Variants in MAGEA6 observed in about 807,000 individuals in gnomAD.
MAGEA6 encodes the protein melanoma-associated antigen 6.
For missense variants in MAGEA6, 281 were observed against 231.4 expected, an observed-to-expected ratio of 1.21 and a Z score of -1.39; for synonymous variants, 100 against 98.8, an observed-to-expected ratio of 1.01 and a Z score of -0.07.
rs1224987898 is a variant in MAGEA6, at chrX:152,766,647, G to A, written c.*59C>T. On this transcript the variant is annotated 3_prime_UTR_variant, in exon 3 of 3. Transcript: ENST00000329342. ...AGTGGAAACTAAGGGATGGGGCCCC[G>A]GAAGGTGCACTGGCCCAAACCCCCT... The A allele has an allele frequency of 2.3e-5, 27 of 1,154,121 alleles. No homozygotes were observed. Among genetic ancestry groups the A allele is most frequent in the African/African-American group, 3.6e-5 (2 of 55,551 alleles).
rs1932742453 is a variant in MAGEA6 at position 152,766,960 on chromosome X, A to G, written c.691T>C (p.Phe231Leu). The stretch of plus-strand genomic sequence containing the variant: ...AAGATACTGTCTTCCCTCCCCTCAA[A>G]CACCTCTAACACACTCAGCTCCTCC... ...IWEELSVLEV[F>L]EGREDSIFGD... is the part of the protein sequence containing the mutation. The change falls in exon 3 of 3, where the codon TTT becomes CTT. Residue 231 changes from phenylalanine to leucine, a missense_variant. Physicochemically the swap from Phe to Leu is conservative, Grantham distance 22. Transcript: ENST00000329342. 1 of 1,208,245 alleles carries G rather than the reference A, an allele frequency of 8.3e-7. No homozygotes were observed. Among genetic ancestry groups the G allele is most frequent in the Non-Finnish European group, 1.1e-6 (1 of 894,227 alleles).
In MAGEA6 at chrX:152,766,640, G is replaced by C. The variant is rs1556827329; in HGVS notation, c.*66C>G. 1.2e-3 allele frequency: 1,308 copies of C among 1,133,960 alleles called. 10 individuals carry two copies. The East Asian group carries it at 0.018, about 16-fold the overall frequency. The allele number at this position is 1,133,960 out of a possible 1,213,427, so 93.5% of individuals were successfully genotyped here. A position where few individuals can be genotyped will look rare whatever the true frequency, so the allele number is the denominator to read the frequency against. ...AGGAGGCAGTGGAAACTAAGGGATG[G>C]GGCCCCGGAAGGTGCACTGGCCCAA... is the stretch of plus-strand genomic sequence containing the variant. On this transcript the variant is annotated 3_prime_UTR_variant, in exon 3 of 3. Transcript: ENST00000329342.
chrX:152,767,186 G>C lies in MAGEA6; in HGVS notation c.465C>G (p.Ser155=). The change falls in exon 3 of 3, where the codon TCC becomes TCG. Residue 155 remains serine, a synonymous_variant. Transcript: ENST00000329342. The part of the protein sequence containing the change: ...YFFPVIFSKA[S]DSLQLVFGIE... Reference sequence around the variant, plus strand: ...TGCCAAAGACCAGCTGCAAGGAATCGGAAGCTTTGCTGAAGATCACAGGAA... The same window carrying C: ...TGCCAAAGACCAGCTGCAAGGAATCCGAAGCTTTGCTGAAGATCACAGGAA... 1 of 1,210,723 alleles carries C rather than the reference G, an allele frequency of 8.3e-7. No individual in the cohort carries two copies. The highest frequency in any genetic ancestry group is 1.1e-6 in the Non-Finnish European group (1 of 894,693).
At position 152,767,158 on chromosome X, in the gene MAGEA6, C is replaced by G. The variant is rs781889039; in HGVS notation, c.493G>C (p.Glu165Gln). ...SDSLQLVFGI[E>Q]LMEVDPIGHV... Reference sequence around the variant, plus strand: ...CCGATGGGGTCCACTTCCATCAGCTCGATGCCAAAGACCAGCTGCAAGGAA... The same window carrying G: ...CCGATGGGGTCCACTTCCATCAGCTGGATGCCAAAGACCAGCTGCAAGGAA... Residue 165 changes from glutamate (E) to glutamine (Q), a missense_variant, in exon 3 of 3, where the codon GAG becomes CAG. Glu to Gln is a conservative substitution (Grantham distance 29, BLOSUM62 2). Coordinates refer to ENST00000329342, the MANE Select transcript of MAGEA6 (RefSeq NM_005363.5). 8.3e-7 allele frequency: 1 copy of G among 1,209,010 alleles called. No homozygotes were observed.
Position 152,766,756 on chromosome X carries a change from T to G in MAGEA6, c.895A>C (p.Ile299Leu). The stretch of plus-strand genomic sequence containing the variant: ...CACTCATGCAGGAGTGGGTAGGAAA[T>G]GCGAGGTCCTCCACTGATCTTTACC... ...HMVKISGGPR[I>L]SYPLLHEWAL... Residue 299 changes from isoleucine (I) to leucine (L), a missense_variant, in exon 3 of 3, where the codon ATT (isoleucine) becomes CTT (leucine). Transcript: ENST00000329342. 8.3e-7 allele frequency: 1 copy of G among 1,210,498 alleles called. No homozygotes were observed. The highest frequency in any genetic ancestry group is 1.1e-6 in the Non-Finnish European group (1 of 894,661).
chrX:152,767,058 T>G lies in MAGEA6; in HGVS notation c.593A>C (p.Lys198Thr), dbSNP rs1556826624. Reference sequence around the variant, plus strand: ...CAGGATGATTATCAGGAAGCCTGTCTTGGGCATGATCTGATTGTCACCCAG... The same window carrying G: ...CAGGATGATTATCAGGAAGCCTGTCGTGGGCATGATCTGATTGTCACCCAG... The part of the protein sequence containing the change: ...GLLGDNQIMP[K>T]TGFLIIILAI... The change falls in exon 3 of 3, where the codon AAG (lysine) becomes ACG (threonine). Residue 198 changes from lysine (K) to threonine (T), a missense_variant. Transcript: ENST00000329342. 1.7e-6 allele frequency: 2 copies of G among 1,210,774 alleles called. No individual in the cohort carries two copies. Among genetic ancestry groups the G allele is most frequent in the Non-Finnish European group, 2.2e-6 (2 of 894,741 alleles).
Position 152,766,616 on chromosome X carries a change from G to T in MAGEA6, c.*90C>A. 1 of 898,164 alleles carries T rather than the reference G, an allele frequency of 1.1e-6. No homozygotes were observed. Among genetic ancestry groups the T allele is most frequent in the Non-Finnish European group, 1.6e-6 (1 of 633,704 alleles). The allele number at this position is 898,164 out of a possible 1,213,427, so 74.0% of individuals were successfully genotyped here. ...AGTGAAGAATGGGCCTCACGTCACA[G>T]GAGGCAGTGGAAACTAAGGGATGGG... On this transcript the variant is annotated 3_prime_UTR_variant, in exon 3 of 3. Coordinates refer to ENST00000329342, the MANE Select transcript of MAGEA6 (RefSeq NM_005363.5).
rs1556826888 is a variant in MAGEA6 at position 152,766,907 on chromosome X, T to C, written c.744A>G (p.Gln248=). 1.1e-5 allele frequency: 13 copies of C among 1,209,099 alleles called. No homozygotes were observed. In the East Asian group the frequency reaches 3.3e-4, roughly 30 times the overall value. Residue 248 remains glutamine, a synonymous_variant, in exon 3 of 3, where the codon CAA becomes CAG. Coordinates refer to ENST00000329342, the MANE Select transcript of MAGEA6 (RefSeq NM_005363.5). ...IFGDPKKLLT[Q]YFVQENYLEY... ...CCAGGTAGTTTTCCTGCACGAAATATTGGGTGAGCAGCTTCTTGGGATCCC... is the reference window on the plus strand; with the variant it reads ...CCAGGTAGTTTTCCTGCACGAAATACTGGGTGAGCAGCTTCTTGGGATCCC...
chrX:152,766,646 C>A lies in MAGEA6; in HGVS notation c.*60G>T. The A allele has an allele frequency of 8.7e-7, 1 of 1,155,250 alleles. No individual in the cohort carries two copies. The highest frequency in any genetic ancestry group is 1.2e-6 in the Non-Finnish European group (1 of 859,958). ...CAGTGGAAACTAAGGGATGGGGCCC[C>A]GGAAGGTGCACTGGCCCAAACCCCC... On this transcript the variant is annotated 3_prime_UTR_variant, in exon 3 of 3. Transcript: ENST00000329342.
Position 152,766,855 on chromosome X carries a change from G to A in MAGEA6, c.796C>T (p.Pro266Ser). Residue 266 changes from proline to serine, a missense_variant, in exon 3 of 3, where the codon CCT becomes TCT. Physicochemically the swap from Pro to Ser is moderately conservative, Grantham distance 74. Transcript: ENST00000329342. ...CCCCACAGGAACTCATAGCATGCAG[G>A]ATCACTGCCGGGGACCTGCCGGTAC... Reference protein sequence around the residue: ...LEYRQVPGSDPACYEFLWGPR... With the variant: ...LEYRQVPGSDSACYEFLWGPR... 1.7e-6 allele frequency: 2 copies of A among 1,210,854 alleles called. No individual in the cohort carries two copies. The highest frequency in any genetic ancestry group is 2.2e-6 in the Non-Finnish European group (2 of 894,792).
Position 152,766,875 on chromosome X carries a change from C to T in MAGEA6, c.776G>A (p.Arg259Gln), listed in dbSNP as rs1556826961. The change falls in exon 3 of 3, where the codon CGG becomes CAG. Residue 259 changes from arginine (R) to glutamine (Q), a missense_variant. By Grantham distance (43) the Arg-to-Gln change is conservative. Coordinates refer to ENST00000329342, the MANE Select transcript of MAGEA6 (RefSeq NM_005363.5). The stretch of plus-strand genomic sequence containing the variant: ...TGCAGGATCACTGCCGGGGACCTGC[C>T]GGTACTCCAGGTAGTTTTCCTGCAC... ...YFVQENYLEY[R>Q]QVPGSDPACY... 35 of 1,209,293 alleles carry T rather than the reference C, an allele frequency of 2.9e-5. No homozygotes were observed. Among genetic ancestry groups the T allele is most frequent in the South Asian group, 1.2e-4 (7 of 56,726 alleles).
rs1309065782 is a variant in MAGEA6 at position 152,766,939 on chromosome X, T to C, written c.712A>G (p.Ile238Val). 1.9e-5 allele frequency: 23 copies of C among 1,209,166 alleles called. No homozygotes were observed. Among genetic ancestry groups the C allele is most frequent in the Non-Finnish European group, 2.6e-5 (23 of 894,496 alleles). ...AGCAGCTTCTTGGGATCCCCGAAGA[T>C]ACTGTCTTCCCTCCCCTCAAACACC... ...LEVFEGREDS[I>V]FGDPKKLLTQ... Residue 238 changes from isoleucine (I) to valine (V), a missense_variant, in exon 3 of 3, where the codon ATC (isoleucine) becomes GTC (valine). By Grantham distance (29) the Ile-to-Val change is conservative (BLOSUM62 3). Transcript: ENST00000329342.
In MAGEA6 at chrX:152,766,668, C is replaced by A; in HGVS notation, c.*38G>T. 1 of 1,188,434 alleles carries A rather than the reference C, an allele frequency of 8.4e-7. No individual in the cohort carries two copies. Among genetic ancestry groups the A allele is most frequent in the Non-Finnish European group, 1.1e-6 (1 of 881,854 alleles). ...CCCCGGAAGGTGCACTGGCCCAAACCCCCTCCCACTGGCCCTGGCTGCAAC... is the reference window on the plus strand; with the variant it reads ...CCCCGGAAGGTGCACTGGCCCAAACACCCTCCCACTGGCCCTGGCTGCAAC... On this transcript the variant is annotated 3_prime_UTR_variant, in exon 3 of 3. Coordinates refer to ENST00000329342, the MANE Select transcript of MAGEA6 (RefSeq NM_005363.5).
rs2124945872 is a variant in MAGEA6 at position 152,767,189 on chromosome X, A to C, written c.462T>G (p.Ala154=). The C allele has an allele frequency of 8.3e-7, 1 of 1,210,713 alleles. No individual in the cohort carries two copies. Among genetic ancestry groups the C allele is most frequent in the Non-Finnish European group, 1.1e-6 (1 of 894,698 alleles). Residue 154 remains alanine, a synonymous_variant, in exon 3 of 3, where the codon GCT becomes GCG. Transcript: ENST00000329342. ...CAAAGACCAGCTGCAAGGAATCGGA[A>C]GCTTTGCTGAAGATCACAGGAAAGA... ...QYFFPVIFSK[A]SDSLQLVFGI...
chrX:152,767,177 C>G lies in MAGEA6; in HGVS notation c.474G>C (p.Leu158Phe). The stretch of plus-strand genomic sequence containing the variant: ...TCAGCTCGATGCCAAAGACCAGCTG[C>G]AAGGAATCGGAAGCTTTGCTGAAGA... ...PVIFSKASDS[L>F]QLVFGIELME... The change falls in exon 3 of 3, where the codon TTG becomes TTC. Residue 158 changes from leucine to phenylalanine, a missense_variant. Transcript: ENST00000329342. The G allele has an allele frequency of 8.3e-7, 1 of 1,210,822 alleles. No homozygotes were observed. Among genetic ancestry groups the G allele is most frequent in the Non-Finnish European group, 1.1e-6 (1 of 894,755 alleles).
rs1366516450 is a variant in MAGEA6, at chrX:152,766,605, C to G, written c.*101G>C. 8.4e-6 allele frequency: 7 copies of G among 832,750 alleles called. No individual in the cohort carries two copies. The East Asian group carries it at 1.3e-4, about 15-fold the overall frequency. The allele number at this position is 832,750 out of a possible 1,213,427, so 68.6% of individuals were successfully genotyped here. On this transcript the variant is annotated 3_prime_UTR_variant, in exon 3 of 3. Transcript: ENST00000329342. Reference sequence around the variant, plus strand: ...TCGCTTCAAAGAGTGAAGAATGGGCCTCACGTCACAGGAGGCAGTGGAAAC... The same window carrying G: ...TCGCTTCAAAGAGTGAAGAATGGGCGTCACGTCACAGGAGGCAGTGGAAAC...
In MAGEA6 at chrX:152,767,019, T is replaced by C. The variant is rs34624093; in HGVS notation, c.632A>G (p.Lys211Arg). Residue 211 changes from lysine (K) to arginine (R), a missense_variant, in exon 3 of 3, where the codon AAA becomes AGA. Coordinates refer to ENST00000329342, the MANE Select transcript of MAGEA6 (RefSeq NM_005363.5). ...CTCCTCAGGGGCACAGTCGCCCTCT[T>C]TTGCGATTATGGCCAGGATGATTAT... ...FLIIILAIIA[K>R]EGDCAPEEKI... 2.9e-4 allele frequency: 352 copies of C among 1,208,831 alleles called. 2 individuals carry two copies. In the East Asian group the frequency reaches 6.0e-3, roughly 21 times the overall value.
rs2124946560 is a variant in MAGEA6 at position 152,767,052 on chromosome X, C to G, written c.599G>C (p.Gly200Ala). 10 of 1,210,763 alleles carry G rather than the reference C, an allele frequency of 8.3e-6. No individual in the cohort carries two copies. Among genetic ancestry groups the G allele is most frequent in the Non-Finnish European group, 1.0e-5 (9 of 894,743 alleles). Residue 200 changes from glycine (G) to alanine (A), a missense_variant, in exon 3 of 3, where the codon GGC (glycine) becomes GCC (alanine). Coordinates refer to ENST00000329342, the MANE Select transcript of MAGEA6 (RefSeq NM_005363.5). Reference sequence around the variant, plus strand: ...TATGGCCAGGATGATTATCAGGAAGCCTGTCTTGGGCATGATCTGATTGTC... The same window carrying G: ...TATGGCCAGGATGATTATCAGGAAGGCTGTCTTGGGCATGATCTGATTGTC... ...LGDNQIMPKT[G>A]FLIIILAIIA... is the part of the protein sequence containing the mutation.
chrX:152,767,327 T>C lies in MAGEA6; in HGVS notation c.324A>G (p.Ala108=), dbSNP rs782511429. The change falls in exon 3 of 3, where the codon GCA becomes GCG. Residue 108 remains alanine, a synonymous_variant. Coordinates refer to ENST00000329342, the MANE Select transcript of MAGEA6 (RefSeq NM_005363.5). ...FPDLESEFQA[A]LSRKVAKLVH... ...CCAACTTGGCCACCTTCCTACTGAGTGCTGCTTGGAACTCAGACTCCAGGT... is the reference window on the plus strand; with the variant it reads ...CCAACTTGGCCACCTTCCTACTGAGCGCTGCTTGGAACTCAGACTCCAGGT... The C allele has an allele frequency of 8.3e-7, 1 of 1,209,891 alleles. No homozygotes were observed. Among genetic ancestry groups the C allele is most frequent in the African/African-American group, 1.7e-5 (1 of 57,522 alleles).
Sources: allele counts gnomAD v4.1 joint callset, GRCh38; gene constraint gnomAD v4.1.1; transcripts MANE v1.5; gene names NCBI Gene and HGNC (gene_info 2026-07-23, HGNC 2026-07-21).